The following CDH12 variants were observed in gnomAD, a reference collection of about 807,000 sequenced individuals.
The protein encoded by CDH12 is cadherin-12.
A neutral mutation model predicts 74.1 loss-of-function variants in CDH12; 41 were observed. That is an observed-to-expected ratio of 0.55 (90% confidence interval 0.43 to 0.72). The LOEUF is 0.72. Ranked by LOEUF, CDH12 falls within the 30% of genes least tolerant of loss-of-function variation. The pLI is 0.00. For synonymous variants in CDH12, 399 were observed against 355.0 expected, an observed-to-expected ratio of 1.12 and a Z score of -1.39; for missense variants, 945 against 977.2, an observed-to-expected ratio of 0.97 and a Z score of 0.44.
intron 5 of CDH12, among the ~76,000 whole-genome samples, chr5:21,993,499 T>C (rs1378551316): frequency 6.6e-6 from 1 of 152,210 alleles, no homozygotes; most frequent in East Asian, 1.9e-4. Flanking sequence ...TCCAGCCAGC[T>C]TGGAAGAAAG....
intron 1 of CDH12, among the ~76,000 whole-genome samples, chr5:22,777,436 T>C (rs559765251): frequency 6.6e-6 from 1 of 152,154 alleles, no homozygotes; most frequent in African/African-American, 2.4e-5. Context: ...AATTCTAATT[T>C]TGGGTCTGGA....
intron 9 of CDH12, among the ~76,000 whole-genome samples, chr5:21,813,187 G>A (rs1334964439): frequency 6.6e-6 from 1 of 152,012 alleles, no homozygotes; most frequent in Non-Finnish European, 1.5e-5. Flanking sequence ...GGTCTACAAG[G>A]GTAAGGCGAG....
chr5:21,876,089 T>A (rs183280231), intron 6 of CDH12, among the ~76,000 whole-genome samples: 6 of 152,178 alleles, frequency 3.9e-5, no homozygotes, highest in Non-Finnish European at 2.9e-5. Flanking sequence ...AGAGACAGGA[T>A]TTCACCATGT....
intron 6 of CDH12, among the ~76,000 whole-genome samples, chr5:21,931,785 T>C (rs1315375421): frequency 6.6e-6 from 1 of 152,196 alleles, no homozygotes; most frequent in Non-Finnish European, 1.5e-5. Context: ...TTTTCTTGAT[T>C]TTGTGTACTA....
chr5:22,545,181 C>T (rs1158968100), intron 1 of CDH12, among the ~76,000 whole-genome samples: 3 of 152,096 alleles, frequency 2.0e-5, no homozygotes, highest in African/African-American at 7.2e-5. Flanking sequence ...ACACTTAAAC[C>T]AATGTAGTTC....
At chr5:22,659,707 A>G (rs1740246996) in intron 1 of CDH12, among the ~76,000 whole-genome samples, 1 of 152,098 alleles carries the variant, frequency 6.6e-6, no homozygotes, top group South Asian at 2.1e-4. Flanking sequence ...ACACACATAT[A>G]CATATATAGG....
chr5:21,791,730 CATT>C, intron 10 of CDH12, among the ~76,000 whole-genome samples: 1 of 150,300 alleles, frequency 6.7e-6, no homozygotes, highest in Non-Finnish European at 1.5e-5. Flanking sequence ...GAAATTAAAA[CATT>C]AACCTAGTCT....
At chr5:21,789,889 G>C (rs1746396255) in intron 10 of CDH12, among the ~76,000 whole-genome samples, 1 of 151,958 alleles carries the variant, frequency 6.6e-6, no homozygotes, top group South Asian at 2.1e-4. Context: ...CCAAGGACCT[G>C]GGATGTTGTT....
At chr5:22,285,890 T>C (rs1310904851) in intron 3 of CDH12, among the ~76,000 whole-genome samples, 1 of 152,102 alleles carries the variant, frequency 6.6e-6, no homozygotes, top group Non-Finnish European at 1.5e-5. Context: ...GAAAGTGAAC[T>C]CCCTGCTTCA....
At chr5:21,983,799 CTTTA>C (rs1312716956) in intron 5 of CDH12, among the ~76,000 whole-genome samples, 1 of 152,010 alleles carries the variant, frequency 6.6e-6, no homozygotes, top group Non-Finnish European at 1.5e-5. Flanking sequence ...ATTTATATTA[CTTTA>C]TTTATTGGTA....
At chr5:21,805,651 C>G (rs538296004) in intron 9 of CDH12, among the ~76,000 whole-genome samples, 3 of 152,104 alleles carry the variant, frequency 2.0e-5, no homozygotes, top group African/African-American at 7.2e-5. Context: ...CAAAGAGAAC[C>G]AGCAGTGATC....
chr5:21,911,502 G>T (rs1472975524), intron 6 of CDH12, among the ~76,000 whole-genome samples: 1 of 151,930 alleles, frequency 6.6e-6, no homozygotes, highest in Non-Finnish European at 1.5e-5. Flanking sequence ...TTATGAAGAA[G>T]ATACTATACA....
intron 5 of CDH12, among the ~76,000 whole-genome samples, chr5:22,068,114 G>T (rs1023551886): frequency 1.5e-4 from 23 of 152,218 alleles, no homozygotes; most frequent in Middle Eastern, 3.4e-3. Flanking sequence ...TGAACCATGT[G>T]CTACTTGACC....
chr5:22,790,780 T>C (rs1192783409), intron 1 of CDH12, among the ~76,000 whole-genome samples: 4 of 152,148 alleles, frequency 2.6e-5, no homozygotes, highest in Non-Finnish European at 5.9e-5. Flanking sequence ...TACGTAAATA[T>C]CAGAGACTAC....
chr5:21,811,897 C>T (rs1366871955), intron 9 of CDH12, among the ~76,000 whole-genome samples: 6 of 151,094 alleles, frequency 4.0e-5, no homozygotes, highest in African/African-American at 1.5e-4. Context: ...AGTGAAATGG[C>T]ATTCTGTCAC....
chr5:22,141,707 A>G (rs997024905), intron 4 of CDH12, among the ~76,000 whole-genome samples: 2 of 152,184 alleles, frequency 1.3e-5, no homozygotes, highest in African/African-American at 4.8e-5. Context: ...AGAATTGAAA[A>G]ATATTTTGGA....
intron 1 of CDH12, among the ~76,000 whole-genome samples, chr5:22,603,565 T>C (rs1254023511): frequency 6.6e-6 from 1 of 151,984 alleles, no homozygotes; most frequent in Non-Finnish European, 1.5e-5. Flanking sequence ...TAATGAAAAC[T>C]GAGAAACAAT....
At chr5:22,723,188 ATT>A (rs1297167587) in intron 1 of CDH12, among the ~76,000 whole-genome samples, 1 of 152,144 alleles carries the variant, frequency 6.6e-6, no homozygotes, top group Non-Finnish European at 1.5e-5. Context: ...ATTTTAGAAA[ATT>A]TCACAAATTC....
intron 5 of CDH12, among the ~76,000 whole-genome samples, chr5:21,996,122 T>TG (rs1241921707): frequency 2.0e-5 from 3 of 146,344 alleles, no homozygotes; most frequent in Non-Finnish European, 4.5e-5. Flanking sequence ...TTTTTTTTTT[T>TG]TTTTTTTTTT....
Sources: allele counts gnomAD v4.1 joint callset (sites outside exome capture counted in the v4.1 genomes callset), GRCh38; gene constraint gnomAD v4.1.1; transcripts MANE v1.5; gene names NCBI Gene and HGNC (gene_info 2026-07-23, HGNC 2026-07-21).